The following RAB3C variants were observed in gnomAD, a reference collection of about 807,000 sequenced individuals.
RAB3C encodes the protein RAB3C, member RAS oncogene family.
Under a neutral mutation model 26.4 loss-of-function variants are expected in RAB3C, and 17 were observed. The observed-to-expected ratio is 0.64, with a 90% CI of 0.44 to 0.97. The LOEUF (loss-of-function observed/expected upper bound fraction) is 0.97. Among genes scored for constraint, RAB3C ranks in the 50% least tolerant of loss-of-function variants. The probability of loss-of-function intolerance (pLI) is 0.00; values close to 1 mark genes in which losing one functional copy is unlikely to be tolerated. For synonymous variants in RAB3C, 91 were observed against 95.9 expected (o/e 0.95, Z 0.30); for missense variants, 242 against 281.9 (o/e 0.86, Z 1.01).
intron 2 of RAB3C, among the ~76,000 whole-genome samples, chr5:58,648,617 T>C (rs1004768321): frequency 6.6e-6 from 1 of 152,234 alleles, no homozygotes; most frequent in Non-Finnish European, 1.5e-5. Context: ...AAGGTCTTTG[T>C]GGAATATTTC....
At chr5:58,705,993 A>G (rs1748935515) in intron 2 of RAB3C, among the ~76,000 whole-genome samples, 2 of 152,172 alleles carry the variant, frequency 1.3e-5, no homozygotes, top group African/African-American at 4.8e-5. Flanking sequence ...GATACTGGAT[A>G]TTACATTTTT....
intron 2 of RAB3C, among the ~76,000 whole-genome samples, chr5:58,654,056 A>G (rs981269615): frequency 2.6e-5 from 4 of 152,038 alleles, no homozygotes; most frequent in Admixed American, 6.6e-5. Flanking sequence ...TGTTTTCTGC[A>G]TTTTCTTTTT....
chr5:58,632,229 T>A (rs1396544929), intron 2 of RAB3C, among the ~76,000 whole-genome samples: 3 of 152,228 alleles, frequency 2.0e-5, no homozygotes, highest in African/African-American at 7.2e-5. Flanking sequence ...CTGGGGTTTA[T>A]CAGAACCATT....
intron 2 of RAB3C, among the ~76,000 whole-genome samples, chr5:58,649,564 C>A (rs1163318754): frequency 1.3e-5 from 2 of 151,916 alleles, no homozygotes; most frequent in African/African-American, 4.8e-5. Flanking sequence ...GGTCTCTTAA[C>A]CACCCCAGAG....
chr5:58,850,197 G>A (rs1301642843), intron 4 of RAB3C, among the ~76,000 whole-genome samples: 1 of 152,206 alleles, frequency 6.6e-6, no homozygotes, highest in Non-Finnish European at 1.5e-5. Context: ...AGCATACTAA[G>A]GCTGCTTCTG....
intron 3 of RAB3C, among the ~76,000 whole-genome samples, chr5:58,776,500 C>T (rs970997258): frequency 2.6e-5 from 4 of 152,080 alleles, no homozygotes; most frequent in African/African-American, 9.7e-5. Context: ...GCTTCAAACT[C>T]CTTTTTCTAA....
At chr5:58,766,119 C>CTT (rs35659245) in intron 3 of RAB3C, among the ~76,000 whole-genome samples, 5,853 of 138,406 alleles carry the variant, frequency 0.042, 246 homozygotes, top group African/African-American at 0.11. Context: ...TCAGGTAATT[C>CTT]TTTTTTTTTT....
At chr5:58,690,391 G>A (rs1378126286) in intron 2 of RAB3C, among the ~76,000 whole-genome samples, 2 of 152,088 alleles carry the variant, frequency 1.3e-5, no homozygotes, top group African/African-American at 4.8e-5. Context: ...GACAGGACAT[G>A]GTGTGGAGAA....
chr5:58,589,900 A>T (rs1228592765), intron 1 of RAB3C, among the ~76,000 whole-genome samples: 3 of 152,194 alleles, frequency 2.0e-5, no homozygotes, highest in Non-Finnish European at 4.4e-5. Flanking sequence ...GTTGGGGTGA[A>T]GATGAAGAAG....
chr5:58,794,337 A>C (rs2112018131), intron 3 of RAB3C: 1 of 152,036 alleles, frequency 6.6e-6, no homozygotes, highest in South Asian at 2.1e-4. Context: ...AGTAGAAAAA[A>C]AGCTGGCATG....
intron 2 of RAB3C, among the ~76,000 whole-genome samples, chr5:58,652,806 A>G (rs1258701072): frequency 6.6e-6 from 1 of 151,896 alleles, no homozygotes; most frequent in Non-Finnish European, 1.5e-5. Context: ...TAATAGTTTC[A>G]GTATTTGGAA....
At chr5:58,841,013 G>A (rs1358211885) in intron 4 of RAB3C, among the ~76,000 whole-genome samples, 1 of 152,238 alleles carries the variant, frequency 6.6e-6, no homozygotes, top group Admixed American at 6.5e-5. Context: ...CAGTTGGCCT[G>A]GGGGTATGCC....
intron 3 of RAB3C, among the ~76,000 whole-genome samples, chr5:58,813,598 A>ATT (rs1743138670): frequency 2.1e-4 from 2 of 9,422 alleles, no homozygotes; most frequent in African/African-American, 1.4e-3. Context: ...ATATTTATAT[A>ATT]TATATATATA....
At chr5:58,763,261 G>A (rs1741833874) in intron 3 of RAB3C, among the ~76,000 whole-genome samples, 1 of 152,134 alleles carries the variant, frequency 6.6e-6, no homozygotes, top group African/African-American at 2.4e-5. Context: ...AATCAATTTA[G>A]AGCCATATAA....
intron 3 of RAB3C, among the ~76,000 whole-genome samples, chr5:58,797,351 AAAATATGTATATATATAATAT>A (rs1385994409): frequency 5.9e-4 from 13 of 22,078 alleles, no homozygotes; most frequent in African/African-American, 2.1e-3. Flanking sequence ...AAAAAAAAAA[AAAATATGTATATATATAATAT>A]ATATATATAT....
At chr5:58,683,603 G>A (rs1291636620) in intron 2 of RAB3C, among the ~76,000 whole-genome samples, 1 of 152,150 alleles carries the variant, frequency 6.6e-6, no homozygotes, top group African/African-American at 2.4e-5. Flanking sequence ...TATAGTTTCA[G>A]TTACCTGTGG....
At chr5:58,833,298 T>C (rs1399503508) in intron 4 of RAB3C, among the ~76,000 whole-genome samples, 3 of 148,640 alleles carry the variant, frequency 2.0e-5, no homozygotes, top group African/African-American at 7.5e-5. Flanking sequence ...CTAGGTAGCA[T>C]TTTAAAAACC....
At chr5:58,693,336 G>GTGTGTATATATATATATATATA (rs1554048065) in intron 2 of RAB3C, among the ~76,000 whole-genome samples, 1 of 111,774 alleles carries the variant, frequency 8.9e-6, no homozygotes, top group African/African-American at 3.7e-5. Context: ...ATATATATGT[G>GTGTGTATATATATATATATATA]TATATATATA....
intron 3 of RAB3C, among the ~76,000 whole-genome samples, chr5:58,769,637 A>C (rs1640972351): frequency 6.6e-6 from 1 of 152,164 alleles, no homozygotes; most frequent in East Asian, 1.9e-4. Flanking sequence ...TTAGATTTGG[A>C]CTTTTCATGT....
Sources: gnomAD v4.1 joint callset for allele counts (sites outside exome capture counted in the v4.1 genomes callset) on GRCh38, gnomAD v4.1.1 for gene constraint, MANE v1.5 for transcripts, NCBI Gene and HGNC (gene_info 2026-07-23, HGNC 2026-07-21) for gene names.